The following PPP4R3B variants were observed in gnomAD, a reference collection of about 807,000 sequenced individuals.
PPP4R3B encodes the protein serine/threonine-protein phosphatase 4 regulatory subunit 3B.
In PPP4R3B, 52 loss-of-function variants were observed where a neutral mutation model predicts 95.4. That is an observed-to-expected ratio of 0.54 (90% CI 0.44 to 0.69). The LOEUF (loss-of-function observed/expected upper bound fraction) is 0.69, where lower values mean the gene tolerates loss of function less well. Ranked by LOEUF, PPP4R3B falls within the 30% of genes least tolerant of loss-of-function variation. PPP4R3B has a pLI of 0.00. For synonymous variants in PPP4R3B, 407 were observed against 343.9 expected (o/e 1.18, Z -2.03); for missense variants, 1,003 against 1,005.9 (o/e 1.00, Z 0.04).
rs1052651359 is a variant in PPP4R3B, at chr2:55,615,651, C to G, written c.143-145G>C. 6 of 545,050 alleles carry G rather than the reference C, an allele frequency of 1.1e-5. 1 individual carries two copies. The highest frequency in any genetic ancestry group is 1.0e-3 in the Middle Eastern group (2 of 2,004). 33.8% of individuals were successfully genotyped at this position (545,050 alleles called of 1,614,324 possible). ...CGGGCAGATCACGAGGTCAAGAGAT[C>G]CAGACCATTCCAGCCAACATGGTGA... On this transcript the variant is annotated intron_variant, in intron 1 of 16. Coordinates refer to ENST00000616407, the MANE Select transcript of PPP4R3B (RefSeq NM_001122964.3).
chr2:55,581,674 T>C lies in PPP4R3B; in HGVS notation c.1258A>G (p.Ile420Val). ...TCAGTATCACAGATCATTTGTTCAA[T>C]TACCACATTAATAAGAAGAATATCC... ...DDDILLINVVIEQMICDTDPE... is the reference protein window; with the variant it reads ...DDDILLINVVVEQMICDTDPE... The change falls in exon 8 of 17, where the codon ATT becomes GTT. Residue 420 changes from isoleucine to valine, a missense_variant. Ile to Val is a conservative substitution (Grantham distance 29). Transcript: ENST00000616407. 3.1e-6 allele frequency: 5 copies of C among 1,612,966 alleles called. No homozygotes were observed. Among genetic ancestry groups the C allele is most frequent in the Non-Finnish European group, 4.2e-6 (5 of 1,179,598 alleles).
chr2:55,596,990 G>A (rs377338473), intron 4 of PPP4R3B, among the ~76,000 whole-genome samples: 1 of 151,958 alleles, frequency 6.6e-6, no homozygotes, highest in Non-Finnish European at 1.5e-5. Flanking sequence ...AAAAATAGCT[G>A]CATCATCGAT....
intron 3 of PPP4R3B, 67 bp from the exon 4 acceptor site, chr2:55,599,106 A>C: frequency 7.2e-7 from 1 of 1,385,802 alleles, no homozygotes; most frequent in Non-Finnish European, 9.7e-7. Context: ...TTGGAAATCA[A>C]ATCATTTGGA....
intron 3 of PPP4R3B, 97 bp downstream of exon 3, chr2:55,603,881 C>A: frequency 1.4e-6 from 1 of 735,238 alleles, no homozygotes; most frequent in Non-Finnish European, 2.2e-6. Flanking sequence ...CATTAAGACA[C>A]TATCTCGCCA....
At chr2:55,569,292 C>T (rs1687685717) in intron 12 of PPP4R3B, among the ~76,000 whole-genome samples, 1 of 152,056 alleles carries the variant, frequency 6.6e-6, no homozygotes, top group Non-Finnish European at 1.5e-5. Context: ...AAAACACCTG[C>T]TACTTAGCAG....
intron 7 of PPP4R3B, among the ~76,000 whole-genome samples, chr2:55,583,802 A>C (rs1325830126): frequency 6.6e-6 from 1 of 152,274 alleles, no homozygotes; most frequent in Non-Finnish European, 1.5e-5. Context: ...TAGAAAGTAT[A>C]AATCTAAGGA....
At chr2:55,559,543 G>T (rs1220879731) in intron 15 of PPP4R3B, among the ~76,000 whole-genome samples, 4 of 152,052 alleles carry the variant, frequency 2.6e-5, no homozygotes, top group African/African-American at 9.7e-5. Flanking sequence ...CATGGGGGTG[G>T]ATTTCGCCCT....
chr2:55,564,194 T>C, intron 15 of PPP4R3B, 119 bp downstream of exon 15: 2 of 711,768 alleles, frequency 2.8e-6, no homozygotes, highest in Non-Finnish European at 4.3e-6. Context: ...GAACACAGTT[T>C]GGTATAAAAT....
intron 16 of PPP4R3B, among the ~76,000 whole-genome samples, chr2:55,551,775 A>AATAC (rs1157021997): frequency 6.6e-6 from 1 of 152,050 alleles, no homozygotes; most frequent in African/African-American, 2.4e-5. Flanking sequence ...TAAATAAATA[A>AATAC]ATAGATAACC....
chr2:55,589,999 A>G (rs1347307171), intron 4 of PPP4R3B, among the ~76,000 whole-genome samples: 3 of 145,112 alleles, frequency 2.1e-5, no homozygotes, highest in African/African-American at 7.5e-5. Context: ...TTATATATAT[A>G]TAATATATAT....
intron 2 of PPP4R3B, among the ~76,000 whole-genome samples, chr2:55,609,667 CAAA>C (rs58617547): frequency 2.9e-5 from 3 of 103,518 alleles, no homozygotes; most frequent in East Asian, 4.5e-4. Context: ...GACTGTGTCT[CAAA>C]AAAAAAAAAA....
At chr2:55,580,927 T>C (rs1029535472) in intron 8 of PPP4R3B, among the ~76,000 whole-genome samples, 1 of 152,186 alleles carries the variant, frequency 6.6e-6, no homozygotes, top group Admixed American at 6.5e-5. Flanking sequence ...TTTTTTATGG[T>C]GATAAAATCA....
At chr2:55,555,679 G>A (rs1466888122) in intron 16 of PPP4R3B, among the ~76,000 whole-genome samples, 1 of 152,150 alleles carries the variant, frequency 6.6e-6, no homozygotes, top group East Asian at 1.9e-4. Flanking sequence ...ACATATTGCA[G>A]CAATGATTTT....
At chr2:55,584,734 T>A (rs527976564) in intron 7 of PPP4R3B, among the ~76,000 whole-genome samples, 2 of 152,222 alleles carry the variant, frequency 1.3e-5, no homozygotes, top group Admixed American at 1.3e-4. Flanking sequence ...CCTAGGTAAG[T>A]ACCTGACCTG....
At chr2:55,570,572 T>C (rs1312392022) in intron 12 of PPP4R3B, among the ~76,000 whole-genome samples, 1 of 152,252 alleles carries the variant, frequency 6.6e-6, no homozygotes, top group African/African-American at 2.4e-5. Flanking sequence ...ATCCTTTAAC[T>C]TGTATCCTTT....
At chr2:55,600,058 T>C (rs1253943572) in intron 3 of PPP4R3B, among the ~76,000 whole-genome samples, 2 of 152,240 alleles carry the variant, frequency 1.3e-5, no homozygotes, top group African/African-American at 4.8e-5. Context: ...TCCTTCTATT[T>C]CATCATTCTC....
Position 55,611,786 on chromosome 2 carries a change from T to C in PPP4R3B, c.198+3665A>G, listed in dbSNP as rs79551391. ...CTTTGTCTCTCCACCTGGAGTGCAGTGGTACAATCATGGCTTACTACAGTC... is the reference window on the plus strand; with the variant it reads ...CTTTGTCTCTCCACCTGGAGTGCAGCGGTACAATCATGGCTTACTACAGTC... On this transcript the variant is annotated intron_variant, in intron 2 of 16. Coordinates refer to ENST00000616407, the MANE Select transcript of PPP4R3B (RefSeq NM_001122964.3). Among the ~76,000 whole-genome samples the C allele has an allele frequency of 4.1e-4, 63 of 152,262 alleles. 1 individual carries two copies. In the East Asian group the frequency reaches 8.7e-3, roughly 21 times the overall value.
rs77631398 is a variant in PPP4R3B, at chr2:55,564,143, G to T, written c.2260+170C>A. 4.6e-5 allele frequency among the ~76,000 whole-genome samples: 7 copies of T among 152,162 alleles called. 1 individual carries two copies. The highest frequency in any genetic ancestry group is 1.0e-4 in the Non-Finnish European group (7 of 67,996). The stretch of plus-strand genomic sequence containing the variant: ...AAGAGAAACATTTTAAACATGAAAA[G>T]AATTCCCAGACAGATTTGGAAAAAG... On this transcript the variant is annotated intron_variant, in intron 15 of 16. Transcript: ENST00000616407.
At position 55,579,345 on chromosome 2, in the gene PPP4R3B, C is replaced by T. The variant is rs558830586; in HGVS notation, c.1468+334G>A. Among the ~76,000 whole-genome samples the T allele has an allele frequency of 1.3e-4, 20 of 152,094 alleles. No homozygotes were observed. In the South Asian group the frequency reaches 1.7e-3, roughly 13 times the overall value. On this transcript the variant is annotated intron_variant, in intron 9 of 16. Transcript: ENST00000616407. ...ATATCGCACAAATTTGGCGACAATGCTTTCTTTTGATAAGTGTCTACATAT... is the reference window on the plus strand; with the variant it reads ...ATATCGCACAAATTTGGCGACAATGTTTTCTTTTGATAAGTGTCTACATAT...
Sources: gnomAD v4.1 joint callset for allele counts (sites outside exome capture counted in the v4.1 genomes callset) on GRCh38, gnomAD v4.1.1 for gene constraint, MANE v1.5 for transcripts, NCBI Gene and HGNC (gene_info 2026-07-23, HGNC 2026-07-21) for gene names.